The following ZNF440 variants were observed in gnomAD, a reference collection of about 807,000 sequenced individuals.
The protein encoded by ZNF440 is zinc finger protein 440.
A neutral mutation model predicts 49.7 loss-of-function variants in ZNF440; 47 were observed. The observed-to-expected ratio is 0.95, with a 90% CI of 0.75 to 1.21. The LOEUF (loss-of-function observed/expected upper bound fraction) is 1.21, where lower values mean the gene tolerates loss of function less well. Among genes scored for constraint, ZNF440 ranks in the 50% most tolerant of loss-of-function variants. The pLI is 0.00. For missense variants in ZNF440, 703 were observed against 715.0 expected (o/e 0.98, Z 0.19); for synonymous variants, 255 against 237.7 (o/e 1.07, Z -0.67).
At position 11,831,769 on chromosome 19, in the gene ZNF440, G is replaced by A. The variant is rs745957263; in HGVS notation, c.593G>A (p.Gly198Glu). The part of the protein sequence containing the change: ...RRHMVMHSGD[G>E]PYKCKFCGKA... ...CACATGGTAATGCACAGTGGGGATG[G>A]ACCTTATAAATGTAAGTTTTGTGGG... is the stretch of plus-strand genomic sequence containing the variant. The change falls in exon 4 of 4, where the codon GGA (glycine) becomes GAA (glutamate). Residue 198 changes from glycine to glutamate, a missense_variant. Transcript: ENST00000304060. The A allele has an allele frequency of 6.2e-7, 1 of 1,609,300 alleles. No individual in the cohort carries two copies. Among genetic ancestry groups the A allele is most frequent in the Admixed American group, 1.7e-5 (1 of 59,806 alleles).
intron 3 of ZNF440, 149 bp from the exon 4 acceptor site, chr19:11,831,219 A>G (rs1568243170): frequency 8.3e-6 from 9 of 1,088,180 alleles, no homozygotes; most frequent in Middle Eastern, 2.6e-4. Context: ...CTTGTAGAAT[A>G]TGTTGTCCAG....
rs1164535966 is a variant in ZNF440 at position 11,831,391 on chromosome 19, A to G, written c.215A>G (p.Asn72Ser). 3.1e-6 allele frequency: 5 copies of G among 1,607,960 alleles called. No homozygotes were observed. The highest frequency in any genetic ancestry group is 1.1e-5 in the South Asian group (1 of 89,652). The change falls in exon 4 of 4, where the codon AAT (asparagine) becomes AGT (serine). Residue 72 changes from asparagine (N) to serine (S), a missense_variant. Transcript: ENST00000304060. Reference protein sequence around the residue: ...NFRSLIEEKVNEIKDDSHCGE... With the variant: ...NFRSLIEEKVSEIKDDSHCGE... The stretch of plus-strand genomic sequence containing the variant: ...AGGAGTCTCATAGAAGAAAAAGTCA[A>G]TGAAATTAAAGATGACAGTCATTGT...
rs780418974 is a variant in ZNF440, at chr19:11,832,671, C to T, written c.1495C>T (p.Pro499Ser). The change falls in exon 4 of 4, where the codon CCA becomes TCA. Residue 499 changes from proline to serine, a missense_variant. Coordinates refer to ENST00000304060, the MANE Select transcript of ZNF440 (RefSeq NM_152357.3). ...KQRSVVPSVVPVPFDIMKGLT... is the reference protein window; with the variant it reads ...KQRSVVPSVVSVPFDIMKGLT... ...ACGTTCAGTAGTTCCTTCAGTAGTT[C>T]CAGTTCCTTTTGATATCATGAAAGG... is the stretch of plus-strand genomic sequence containing the variant. 3 of 1,613,746 alleles carry T rather than the reference C, an allele frequency of 1.9e-6. No individual in the cohort carries two copies. Among genetic ancestry groups the T allele is most frequent in the Non-Finnish European group, 2.5e-6 (3 of 1,179,898 alleles).
In ZNF440 at chr19:11,833,192, A is replaced by G; in HGVS notation, c.*228A>G. On this transcript the variant is annotated 3_prime_UTR_variant, in exon 4 of 4. Coordinates refer to ENST00000304060, the MANE Select transcript of ZNF440 (RefSeq NM_152357.3). Reference sequence around the variant, plus strand: ...ATTTGGGAAAGCCTTCAGATCTGTCAAAAATCTTCGATTTCATAAAAGGAC... The same window carrying G: ...ATTTGGGAAAGCCTTCAGATCTGTCGAAAATCTTCGATTTCATAAAAGGAC... 1.7e-6 allele frequency: 2 copies of G among 1,181,246 alleles called. No individual in the cohort carries two copies. Among genetic ancestry groups the G allele is most frequent in the Non-Finnish European group, 2.4e-6 (2 of 823,760 alleles). The allele number at this position is 1,181,246 out of a possible 1,614,324, so 73.2% of individuals were successfully genotyped here. A position where few individuals can be genotyped will look rare whatever the true frequency, so the allele number is the denominator to read the frequency against.
Position 11,832,532 on chromosome 19 carries a change from CT to C in ZNF440, c.1357del (p.Ser453LeufsTer41). ...ERTQTHIRIH[S>X]GERRYKCKIC... ...GGACACAAACACACATAAGAATACA[CT>C]CTGGAGAAAGACGTTATAAATGTAA... On this transcript the variant is annotated frameshift_variant, in exon 4 of 4. Coordinates refer to ENST00000304060, the MANE Select transcript of ZNF440 (RefSeq NM_152357.3). LOFTEE classifies it high-confidence loss of function. 1 of 1,613,860 alleles carries C rather than the reference CT, an allele frequency of 6.2e-7. No homozygotes were observed. Among genetic ancestry groups the C allele is most frequent in the African/African-American group, 1.3e-5 (1 of 74,964 alleles).
intron 1 of ZNF440, among the ~76,000 whole-genome samples, chr19:11,824,197 A>AG (rs1555691220): frequency 1.3e-5 from 2 of 151,072 alleles, no homozygotes; most frequent in African/African-American, 2.4e-5. Flanking sequence ...AAAAAAAAAA[A>AG]AAAAGAAAAG....
chr19:11,830,025 GGAA>G (rs1975914139), intron 1 of ZNF440: 5 of 573,678 alleles, frequency 8.7e-6, no homozygotes, highest in South Asian at 5.7e-5. Context: ...AGGAGGCTGA[GGAA>G]GAAGAAGTGC....
intron 1 of ZNF440, chr19:11,827,612 G>A (rs951415284): frequency 6.6e-6 from 1 of 152,150 alleles, no homozygotes; most frequent in Non-Finnish European, 1.5e-5. Context: ...CCAAATCAAG[G>A]TCGTCTTGGT....
intron 1 of ZNF440, among the ~76,000 whole-genome samples, chr19:11,824,685 C>T (rs1311861602): frequency 6.7e-6 from 1 of 148,990 alleles, no homozygotes; most frequent in Non-Finnish European, 1.5e-5. Flanking sequence ...TTATTCCAGG[C>T]TCATAGTTCC....
Position 11,833,623 on chromosome 19 carries a change from A to G in ZNF440, c.*659A>G, listed in dbSNP as rs990983304. 14 of 346,566 alleles carry G rather than the reference A, an allele frequency of 4.0e-5. No homozygotes were observed. Among genetic ancestry groups the G allele is most frequent in the African/African-American group, 2.2e-4 (10 of 45,468 alleles). The allele number at this position is 346,566 out of a possible 1,614,324, so 21.5% of individuals were successfully genotyped here. A position where few individuals can be genotyped will look rare whatever the true frequency, so the allele number is the denominator to read the frequency against. On this transcript the variant is annotated 3_prime_UTR_variant, in exon 4 of 4. Transcript: ENST00000304060. Reference sequence around the variant, plus strand: ...TTTATTTCTTCCACTTCTTTTCAATATCATGAAAGGACTCACATGGGAGAG... The same window carrying G: ...TTTATTTCTTCCACTTCTTTTCAATGTCATGAAAGGACTCACATGGGAGAG...
chr19:11,831,914 TAAAAG>T lies in ZNF440; in HGVS notation c.741_745del (p.Lys247AsnfsTer9), dbSNP rs1975947384. On this transcript the variant is annotated frameshift_variant, in exon 4 of 4. Transcript: ENST00000304060. LOFTEE classifies it high-confidence loss of function. ...GTTATTCTGCTACCCATCGAATACA[TAAAAG>T]AACTCACACTGGAGAAAAGCCTTAT... 2.5e-6 allele frequency: 4 copies of T among 1,613,868 alleles called. No individual in the cohort carries two copies.
At chr19:11,821,463 G>C (rs1286526060) in intron 1 of ZNF440, among the ~76,000 whole-genome samples, 3 of 152,312 alleles carry the variant, frequency 2.0e-5, no homozygotes, top group Admixed American at 2.0e-4. Flanking sequence ...TGAGAGAAAA[G>C]AGAAATGCTT....
At chr19:11,827,797 T>C (rs984944971) in intron 1 of ZNF440, among the ~76,000 whole-genome samples, 8 of 152,216 alleles carry the variant, frequency 5.3e-5, no homozygotes, top group African/African-American at 1.9e-4. Flanking sequence ...TATTTTATTA[T>C]GGAGACGGGT....
At chr19:11,830,129 A>G in intron 1 of ZNF440, 154 bp from the exon 2 acceptor site, 2 of 1,446,482 alleles carry the variant, frequency 1.4e-6, no homozygotes, top group East Asian at 2.3e-5. Context: ...TGTGGAAGAA[A>G]GTAAGTATAC....
In ZNF440 at chr19:11,831,706, G is replaced by T. The variant is rs1975942573; in HGVS notation, c.530G>T (p.Cys177Phe). The T allele has an allele frequency of 6.2e-7, 1 of 1,614,118 alleles. No individual in the cohort carries two copies. Among genetic ancestry groups the T allele is most frequent in the African/African-American group, 1.3e-5 (1 of 75,046 alleles). ...GAGAAACCCAATGCTTGTAAAGTATGTGGAAAAACCTTTATTTCCCATTCA... is the reference window on the plus strand; with the variant it reads ...GAGAAACCCAATGCTTGTAAAGTATTTGGAAAAACCTTTATTTCCCATTCA... ...TGEKPNACKV[C>F]GKTFISHSSV... The change falls in exon 4 of 4, where the codon TGT becomes TTT. Residue 177 changes from cysteine (C) to phenylalanine (F), a missense_variant. Coordinates refer to ENST00000304060, the MANE Select transcript of ZNF440 (RefSeq NM_152357.3).
At chr19:11,815,295 C>T (rs1975719297) in intron 1 of ZNF440, among the ~76,000 whole-genome samples, 1 of 150,126 alleles carries the variant, frequency 6.7e-6, no homozygotes, top group Admixed American at 6.7e-5. Context: ...CACACACACA[C>T]ACACACACAC....
At chr19:11,822,038 T>A (rs13382092) in intron 1 of ZNF440, among the ~76,000 whole-genome samples, 21,552 of 152,170 alleles carry the variant, frequency 0.14, 1,857 homozygotes, top group Middle Eastern at 0.24. Context: ...GTCTAGGGAA[T>A]TGACCAAGGA....
chr19:11,821,722 C>T (rs902306804), intron 1 of ZNF440, among the ~76,000 whole-genome samples: 13 of 152,360 alleles, frequency 8.5e-5, no homozygotes, highest in African/African-American at 2.9e-4. Flanking sequence ...CCAGCCAGCA[C>T]GGCCCCTCTG....
Position 11,833,187 on chromosome 19 carries a change from C to G in ZNF440, c.*223C>G. The G allele has an allele frequency of 1.6e-6, 2 of 1,214,564 alleles. No homozygotes were observed. Among genetic ancestry groups the G allele is most frequent in the Non-Finnish European group, 2.4e-6 (2 of 850,704 alleles). 75.2% of individuals were successfully genotyped at this position (1,214,564 alleles called of 1,614,324 possible). ...AAGCAATTTGGGAAAGCCTTCAGAT[C>G]TGTCAAAAATCTTCGATTTCATAAA... On this transcript the variant is annotated 3_prime_UTR_variant, in exon 4 of 4. Transcript: ENST00000304060.
Sources: allele counts gnomAD v4.1 joint callset (sites outside exome capture counted in the v4.1 genomes callset), GRCh38; gene constraint gnomAD v4.1.1; transcripts MANE v1.5; gene names NCBI Gene and HGNC (gene_info 2026-07-23, HGNC 2026-07-21).